DGKB: variants seen among roughly 807,000 people sequenced by gnomAD.
The protein encoded by DGKB is 90 kDa diacylglycerol kinase.
A neutral mutation model predicts 114.3 loss-of-function variants in DGKB; 67 were observed. The ratio of observed to expected loss-of-function variants is 0.59; its 90% CI spans 0.48 to 0.72. DGKB has a LOEUF of 0.72. Ranked by LOEUF, DGKB falls within the 30% of genes least tolerant of loss-of-function variation. The pLI is 0.00. For missense variants in DGKB, 907 were observed against 975.2 expected, an observed-to-expected ratio of 0.93 and a Z score of 0.93; for synonymous variants, 398 against 323.1, an observed-to-expected ratio of 1.23 and a Z score of -2.49.
At chr7:14,267,314 G>A (rs1032875111) in intron 23 of DGKB, among the ~76,000 whole-genome samples, 1 of 152,064 alleles carries the variant, frequency 6.6e-6, no homozygotes, top group African/African-American at 2.4e-5. Flanking sequence ...ATGTGAAGAG[G>A]CCCTGAATCT....
chr7:14,782,831 A>G (rs57792261), intron 2 of DGKB, among the ~76,000 whole-genome samples: 2,465 of 151,962 alleles, frequency 0.016, 56 homozygotes, highest in African/African-American at 0.055. Context: ...ACATGATTAT[A>G]TATATATATA....
intron 1 of DGKB, among the ~76,000 whole-genome samples, chr7:14,864,995 T>C (rs1427233209): frequency 6.6e-6 from 1 of 152,084 alleles, no homozygotes; most frequent in Non-Finnish European, 1.5e-5. Context: ...AGAAGAGACA[T>C]ATTAAGAGTA....
chr7:14,768,316 GCTT>G (rs1023757522), intron 2 of DGKB, among the ~76,000 whole-genome samples: 7 of 151,984 alleles, frequency 4.6e-5, no homozygotes, highest in Non-Finnish European at 1.0e-4. Flanking sequence ...TGAAGAATTT[GCTT>G]CCAGATCTTG....
intron 20 of DGKB, among the ~76,000 whole-genome samples, chr7:14,492,390 A>T (rs868613131): frequency 6.6e-6 from 1 of 152,072 alleles, no homozygotes; most frequent in Non-Finnish European, 1.5e-5. Flanking sequence ...AAAAATACCA[A>T]TAAAAGAACA....
intron 2 of DGKB, among the ~76,000 whole-genome samples, chr7:14,767,418 T>A (rs1202737684): frequency 6.6e-6 from 1 of 151,836 alleles, no homozygotes; most frequent in African/African-American, 2.4e-5. Flanking sequence ...ATAATAATGT[T>A]TTCTTTGTCC....
chr7:14,497,228 T>C (rs1012758968), intron 20 of DGKB, among the ~76,000 whole-genome samples: 5 of 151,754 alleles, frequency 3.3e-5, no homozygotes, highest in Non-Finnish European at 5.9e-5. Flanking sequence ...AAAATGCCTA[T>C]TGCATATGAT....
At chr7:14,750,905 G>C (rs964226638) in intron 4 of DGKB, among the ~76,000 whole-genome samples, 17 of 142,662 alleles carry the variant, frequency 1.2e-4, no homozygotes, top group African/African-American at 4.3e-4. Flanking sequence ...CTGGGTTCAA[G>C]TGATTCTCCT....
At chr7:14,176,228 C>T (rs566029040) in intron 25 of DGKB, 2 of 525,002 alleles carry the variant, frequency 3.8e-6, no homozygotes, top group South Asian at 1.7e-4. Context: ...TGTCTACTCC[C>T]AGTGCCAAAA....
At chr7:14,636,055 C>T (rs1442647802) in intron 13 of DGKB, among the ~76,000 whole-genome samples, 2 of 151,626 alleles carry the variant, frequency 1.3e-5, no homozygotes, top group South Asian at 2.1e-4. Context: ...GGAATTTGTT[C>T]TTGTCTTTTG....
chr7:14,616,361 G>C (rs1806520224), intron 15 of DGKB, among the ~76,000 whole-genome samples: 1 of 151,338 alleles, frequency 6.6e-6, no homozygotes, highest in South Asian at 2.1e-4. Flanking sequence ...AATGTAGTTA[G>C]GTACCAACGT....
At chr7:14,306,752 C>A (rs191905553) in intron 23 of DGKB, among the ~76,000 whole-genome samples, 39 of 152,142 alleles carry the variant, frequency 2.6e-4, no homozygotes, top group Admixed American at 2.0e-3. Flanking sequence ...ACTTTATGAG[C>A]CCTCATGGTG....
At chr7:14,658,907 T>C (rs934585461) in intron 13 of DGKB, among the ~76,000 whole-genome samples, 1 of 151,962 alleles carries the variant, frequency 6.6e-6, no homozygotes, top group Non-Finnish European at 1.5e-5. Context: ...TCTATTCTTC[T>C]TTTTTAAACT....
At chr7:14,198,461 C>T (rs766114758) in intron 23 of DGKB, among the ~76,000 whole-genome samples, 3 of 151,960 alleles carry the variant, frequency 2.0e-5, no homozygotes, top group Non-Finnish European at 4.4e-5. Context: ...CTAAATCAGT[C>T]CCCCAAACCC....
rs547974192 is a variant in DGKB, at chr7:14,489,358, A to G, written c.1771-11133T>C. 4.1e-4 allele frequency among the ~76,000 whole-genome samples: 62 copies of G among 152,242 alleles called. 2 individuals carry two copies. Among genetic ancestry groups the G allele is most frequent in the Middle Eastern group, 3.4e-3 (1 of 294 alleles). On this transcript the variant is annotated intron_variant, in intron 20 of 25. Transcript: ENST00000402815. ...CATTTCACAGTAAATTAGATATTTA[A>G]CTCTGTTTTAGTTTCTGGAAACCCT...
chr7:14,379,025 T>A (rs1196125945), intron 21 of DGKB, among the ~76,000 whole-genome samples: 2 of 139,080 alleles, frequency 1.4e-5, no homozygotes, highest in East Asian at 4.4e-4. Context: ...GAAAATGTCA[T>A]CTGAGGAAAA....
chr7:14,840,154 C>T (rs1847723138), intron 2 of DGKB, among the ~76,000 whole-genome samples: 1 of 152,118 alleles, frequency 6.6e-6, no homozygotes, highest in African/African-American at 2.4e-5. Flanking sequence ...CTCTTATATC[C>T]CACAACATCT....
chr7:14,651,386 A>G lies in DGKB; in HGVS notation c.1135-21118T>C, dbSNP rs1020832933. ...TGTAATCCAGCATATAAACAGAGCC[A>G]AAGACAAAAACCACATGAATATCTC... On this transcript the variant is annotated intron_variant, in intron 13 of 25. Coordinates refer to ENST00000402815, the MANE Select transcript of DGKB (RefSeq NM_001350709.2). 1.5e-4 allele frequency among the ~76,000 whole-genome samples: 23 copies of G among 149,546 alleles called. 1 individual carries two copies. Among genetic ancestry groups the G allele is most frequent in the Non-Finnish European group, 3.1e-4 (21 of 66,938 alleles).
intron 23 of DGKB, among the ~76,000 whole-genome samples, chr7:14,256,362 C>CT (rs1258204988): frequency 6.6e-6 from 1 of 151,810 alleles, no homozygotes; most frequent in South Asian, 2.1e-4. Context: ...AATTTTTAAT[C>CT]TTTTTTGTAG....
chr7:14,614,879 T>G (rs1219881856), intron 15 of DGKB, among the ~76,000 whole-genome samples: 4 of 152,058 alleles, frequency 2.6e-5, no homozygotes, highest in Non-Finnish European at 5.9e-5. Context: ...CAGGAAAAAC[T>G]TATGCACTAA....
Sources: allele counts gnomAD v4.1 joint callset (sites outside exome capture counted in the v4.1 genomes callset), GRCh38; gene constraint gnomAD v4.1.1; transcripts MANE v1.5; gene names NCBI Gene and HGNC (gene_info 2026-07-23, HGNC 2026-07-21).